ABCC2: variants seen among roughly 807,000 people sequenced by gnomAD.
The protein encoded by ABCC2 is ATP binding cassette subfamily C member 2.
A neutral mutation model predicts 173.4 loss-of-function variants in ABCC2; 157 were observed. The observed-to-expected ratio is 0.91, with a 90% CI of 0.80 to 1.03. The LOEUF (loss-of-function observed/expected upper bound fraction) is 1.03. Among genes scored for constraint, ABCC2 ranks in the 50% least tolerant of loss-of-function variants. The probability of loss-of-function intolerance (pLI) is 0.00; values close to 1 mark genes in which losing one functional copy is unlikely to be tolerated. For synonymous variants in ABCC2, 657 were observed against 693.5 expected, an observed-to-expected ratio of 0.95 and a Z score of 0.83; for missense variants, 1,822 against 1,852.3, an observed-to-expected ratio of 0.98 and a Z score of 0.30.
At chr10:99,814,158 C>CACATATATGTGTATATAT (rs1564683281) in intron 16 of ABCC2, among the ~76,000 whole-genome samples, 1 of 23,108 alleles carries the variant, frequency 4.3e-5, no homozygotes, top group Non-Finnish European at 8.8e-5. Context: ...TGTATGTATA[C>CACATATATGTGTATATAT]ACACGTATAT....
chr10:99,830,916 G>A (rs1431980547), intron 21 of ABCC2, 65 bp downstream of exon 21: 54 of 1,595,408 alleles, frequency 3.4e-5, no homozygotes, highest in Admixed American at 2.3e-4. Context: ...AATTTTTAAC[G>A]TTCAGTGAAA....
intron 2 of ABCC2, among the ~76,000 whole-genome samples, chr10:99,785,369 G>A (rs1212805050): frequency 6.6e-6 from 1 of 152,198 alleles, no homozygotes; most frequent in East Asian, 1.9e-4. Flanking sequence ...GAGGGGCCAG[G>A]AGGGGAGGAG....
intron 19 of ABCC2, among the ~76,000 whole-genome samples, chr10:99,824,802 C>A (rs1238950053): frequency 1.3e-5 from 2 of 149,242 alleles, no homozygotes; most frequent in East Asian, 2.0e-4. Flanking sequence ...AGTTAACATA[C>A]GCCATTTGCC....
At chr10:99,844,229 C>G in intron 27 of ABCC2, 93 bp from the exon 28 acceptor site, 1 of 1,506,828 alleles carries the variant, frequency 6.6e-7, no homozygotes, top group Non-Finnish European at 9.2e-7. Context: ...GACACTGCTA[C>G]CCTTCTCCTG....
At chr10:99,809,332 G>T (rs1458201455) in intron 13 of ABCC2, among the ~76,000 whole-genome samples, 1 of 152,172 alleles carries the variant, frequency 6.6e-6, no homozygotes, top group Non-Finnish European at 1.5e-5. Flanking sequence ...CAGCCTGGGC[G>T]ACAGAGTGAG....
Position 99,784,777 on chromosome 10 carries a change from A to C in ABCC2, c.203A>C (p.Lys68Thr), listed in dbSNP as rs375805189. 57 of 1,613,982 alleles carry C rather than the reference A, an allele frequency of 3.5e-5. No individual in the cohort carries two copies. The highest frequency in any genetic ancestry group is 4.3e-5 in the Non-Finnish European group (51 of 1,179,986). The change falls in exon 2 of 32, where the codon AAG becomes ACG. Residue 68 changes from lysine (K) to threonine (T), a missense_variant. Transcript: ENST00000647814. ...RSSTTKLYLA[K>T]QVFVGFLLIL... ...TCTACCACCAAACTCTATCTTGCTA[A>C]GCAGGTAAAGTTAACACCACTGTTT...
intron 19 of ABCC2, among the ~76,000 whole-genome samples, chr10:99,826,016 A>C (rs941461464): frequency 6.6e-6 from 1 of 152,192 alleles, no homozygotes; most frequent in Non-Finnish European, 1.5e-5. Context: ...GCCCATTTTT[A>C]TCAAATTTAG....
chr10:99,844,123 T>C (rs979845184), intron 27 of ABCC2, among the ~76,000 whole-genome samples, 199 bp from the exon 28 acceptor site: 2 of 152,164 alleles, frequency 1.3e-5, no homozygotes, highest in African/African-American at 4.8e-5. Flanking sequence ...CAGCACAAGC[T>C]CATGGTGTAT....
At chr10:99,797,731 AAATATGT>A (rs1459755026) in intron 7 of ABCC2, 1 of 264,250 alleles carries the variant, frequency 3.8e-6, no homozygotes, top group Non-Finnish European at 7.4e-6. Context: ...GTGAGCTAGA[AAATATGT>A]AGTAAGCCCA....
At chr10:99,816,713 G>C (rs780889374) in intron 16 of ABCC2, among the ~76,000 whole-genome samples, 1 of 152,146 alleles carries the variant, frequency 6.6e-6, no homozygotes, top group African/African-American at 2.4e-5. Context: ...GGTGAGCGGC[G>C]AGCGAGCATT....
At chr10:99,825,162 C>T (rs200197452) in intron 19 of ABCC2, among the ~76,000 whole-genome samples, 2,715 of 88,142 alleles carry the variant, frequency 0.031, no homozygotes, top group Middle Eastern at 0.12. Flanking sequence ...TATAATGGAG[C>T]GGGCATGATT....
intron 8 of ABCC2, 56 bp from the exon 9 acceptor site, chr10:99,800,330 A>G (rs1404368395): frequency 6.4e-7 from 1 of 1,573,704 alleles, no homozygotes; most frequent in African/African-American, 1.4e-5. Flanking sequence ...GTGCATGAGG[A>G]GAGAGGCATC....
intron 11 of ABCC2, among the ~76,000 whole-genome samples, chr10:99,806,077 C>CTCTCTGTGTGTG (rs10644836): frequency 1.1e-4 from 16 of 148,148 alleles, no homozygotes; most frequent in African/African-American, 3.5e-4. Context: ...CTCTCTCTGT[C>CTCTCTGTGTGTG]TGTGTGTGTG....
chr10:99,836,251 C>A lies in ABCC2; in HGVS notation c.3575C>A (p.Thr1192Asn), dbSNP rs758997455. Reference sequence around the variant, plus strand: ...AAACACAATGAGGTGAGGATTGACACCAACCAGAAATGTGTCTTTTCCTGG... The same window carrying A: ...AAACACAATGAGGTGAGGATTGACAACAACCAGAAATGTGTCTTTTCCTGG... The part of the protein sequence containing the change: ...FLKHNEVRID[T>N]NQKCVFSWIT... Residue 1192 changes from threonine (T) to asparagine (N), a missense_variant, in exon 25 of 32, where the codon ACC (threonine) becomes AAC (asparagine). Transcript: ENST00000647814. 2.5e-6 allele frequency: 4 copies of A among 1,614,206 alleles called. No individual in the cohort carries two copies. The highest frequency in any genetic ancestry group is 3.3e-5 in the Admixed American group (2 of 60,028).
At position 99,818,882 on chromosome 10, in the gene ABCC2, G is replaced by A. The variant is rs375051820; in HGVS notation, c.2364G>A (p.Leu788=). The A allele has an allele frequency of 7.4e-6, 12 of 1,614,050 alleles. No homozygotes were observed. Among genetic ancestry groups the A allele is most frequent in the African/African-American group, 6.7e-5 (5 of 74,918 alleles). ...NLDIYLLDDP[L]SAVDAHVGKH... is the part of the protein sequence containing the mutation. The stretch of plus-strand genomic sequence containing the variant: ...ACATCTATCTTCTAGATGACCCCCT[G>A]TCTGCAGTGGATGCTCATGTAGGAA... The change falls in exon 18 of 32, where the codon CTG becomes CTA. Residue 788 remains leucine, a synonymous_variant. Coordinates refer to ENST00000647814, the MANE Select transcript of ABCC2 (RefSeq NM_000392.5).
chr10:99,814,162 C>CATATGTGTGTATATACACATGT (rs373245901), intron 16 of ABCC2, among the ~76,000 whole-genome samples: 2 of 26,616 alleles, frequency 7.5e-5, no homozygotes, highest in African/African-American at 3.3e-4. Context: ...TGTATACACA[C>CATATGTGTGTATATACACATGT]GTATATATAC....
Position 99,792,255 on chromosome 10 carries a change from A to G in ABCC2, c.229A>G (p.Ile77Val), listed in dbSNP as rs763168977. Residue 77 changes from isoleucine to valine, a missense_variant, in exon 3 of 32, where the codon ATT becomes GTT. By Grantham distance (29) the Ile-to-Val change is conservative. Transcript: ENST00000647814. ...TCAGGTATTCGTTGGTTTTCTTCTT[A>G]TTCTAGCAGCCATAGAGCTGGCCCT... ...AKQVFVGFLL[I>V]LAAIELALVL... is the part of the protein sequence containing the mutation. 3 of 1,613,878 alleles carry G rather than the reference A, an allele frequency of 1.9e-6. No individual in the cohort carries two copies. The African/African-American group carries it at 4.0e-5, about 22-fold the overall frequency.
At chr10:99,806,073 CTGTCTGTG>C (rs1411699339) in intron 11 of ABCC2, among the ~76,000 whole-genome samples, 4 of 42,910 alleles carry the variant, frequency 9.3e-5, no homozygotes, top group Non-Finnish European at 1.3e-4. Flanking sequence ...CTCTCTCTCT[CTGTCTGTG>C]TGTGTGTGTG....
intron 9 of ABCC2, among the ~76,000 whole-genome samples, chr10:99,802,547 G>A (rs1436439801): frequency 6.6e-6 from 1 of 151,996 alleles, no homozygotes; most frequent in Non-Finnish European, 1.5e-5. Context: ...GCATAGCAGT[G>A]GGTTGATTCC....
Sources: gnomAD v4.1 joint callset for allele counts (sites outside exome capture counted in the v4.1 genomes callset) on GRCh38, gnomAD v4.1.1 for gene constraint, MANE v1.5 for transcripts, NCBI Gene and HGNC (gene_info 2026-07-23, HGNC 2026-07-21) for gene names.